SNX24: variants seen among roughly 807,000 people sequenced by gnomAD.
The protein encoded by SNX24 is sorting nexin-24.
In SNX24, 22 loss-of-function variants were observed where a neutral mutation model predicts 28.7. The ratio of observed to expected loss-of-function variants is 0.77; its 90% confidence interval spans 0.55 to 1.10. SNX24 has a LOEUF of 1.10. Among genes scored for constraint, SNX24 ranks in the 50% least tolerant of loss-of-function variants. The pLI, the probability that SNX24 is intolerant of heterozygous loss-of-function variation, is 0.00. For synonymous variants in SNX24, 69 were observed against 71.5 expected, an observed-to-expected ratio of 0.96 and a Z score of 0.18; for missense variants, 221 against 201.1, an observed-to-expected ratio of 1.10 and a Z score of -0.60.
chr5:123,019,255 A>G (rs1180431067), intron 5 of SNX24, among the ~76,000 whole-genome samples: 1 of 151,810 alleles, frequency 6.6e-6, no homozygotes, highest in Non-Finnish European at 1.5e-5. Context: ...AAAATTTTCC[A>G]TTACAAATAC....
chr5:122,994,794 G>T lies in SNX24; in HGVS notation c.250-5118G>T, dbSNP rs551011605. ...AGTGATATTTCTGAAGAAATATCTG[G>T]TCTGCTTTAGAGAAAGTCATTTATT... On this transcript the variant is annotated intron_variant, in intron 3 of 6. Transcript: ENST00000261369. Among the ~76,000 whole-genome samples the T allele has an allele frequency of 2.0e-5, 3 of 152,184 alleles. No individual in the cohort carries two copies. The South Asian group carries it at 6.2e-4, about 32-fold the overall frequency.
chr5:122,957,966 G>T (rs535782317), intron 3 of SNX24, among the ~76,000 whole-genome samples: 2 of 152,188 alleles, frequency 1.3e-5, no homozygotes, highest in African/African-American at 4.8e-5. Context: ...CATATCACAT[G>T]CAAACAAAGA....
intron 5 of SNX24, chr5:123,026,082 G>T: frequency 1.1e-6 from 1 of 877,156 alleles, no homozygotes; most frequent in South Asian, 2.0e-5. Context: ...AGGTAGGGAT[G>T]GGGAAGACAT....
At chr5:122,879,123 C>T (rs1043896674) in intron 1 of SNX24, among the ~76,000 whole-genome samples, 51 of 152,058 alleles carry the variant, frequency 3.4e-4, no homozygotes, top group Non-Finnish European at 6.8e-4. Flanking sequence ...AACATGTAAT[C>T]TGTGTAAACA....
intron 5 of SNX24, among the ~76,000 whole-genome samples, chr5:123,027,109 G>A (rs1418279723): frequency 3.9e-5 from 6 of 152,040 alleles, no homozygotes; most frequent in South Asian, 2.1e-4. Flanking sequence ...CAGGAGAATC[G>A]CTTGAACCTG....
chr5:122,972,452 T>A (rs1468376232), intron 3 of SNX24, among the ~76,000 whole-genome samples: 1 of 152,188 alleles, frequency 6.6e-6, no homozygotes, highest in Non-Finnish European at 1.5e-5. Flanking sequence ...GCCCCAGCCC[T>A]GCAAAGTATT....
chr5:122,854,156 T>C (rs1187156602), intron 1 of SNX24, among the ~76,000 whole-genome samples: 1 of 152,092 alleles, frequency 6.6e-6, no homozygotes, highest in African/African-American at 2.4e-5. Context: ...TTTTTTCTTC[T>C]GTATATAGAA....
chr5:123,001,739 T>G (rs1374581684), intron 5 of SNX24, among the ~76,000 whole-genome samples: 2 of 152,204 alleles, frequency 1.3e-5, no homozygotes, highest in Non-Finnish European at 2.9e-5. Context: ...TTGCTTCAAA[T>G]TCCACAAAGA....
At chr5:123,021,211 T>C (rs892491141) in intron 5 of SNX24, among the ~76,000 whole-genome samples, 11 of 151,108 alleles carry the variant, frequency 7.3e-5, no homozygotes, top group African/African-American at 2.7e-4. Context: ...TATTGCTCCC[T>C]GATGTTGTGT....
intron 3 of SNX24, among the ~76,000 whole-genome samples, chr5:122,980,972 C>G (rs2150156243): frequency 6.6e-6 from 1 of 152,084 alleles, no homozygotes; most frequent in Middle Eastern, 3.4e-3. Context: ...TCCATGAGGT[C>G]AAAGGGAATC....
chr5:122,850,827 G>A (rs894577090), intron 1 of SNX24, among the ~76,000 whole-genome samples: 13 of 149,816 alleles, frequency 8.7e-5, no homozygotes, highest in Non-Finnish European at 1.6e-4. Flanking sequence ...GAAAGAGTGA[G>A]GAAAGAGGGA....
chr5:123,008,882 T>C lies in SNX24; in HGVS notation c.*1133T>C, dbSNP rs775070968. ...ATATATACTACCTATATGTATGTGCTGTATGTGGGCATTTCATTGAGATCT... is the reference window on the plus strand; with the variant it reads ...ATATATACTACCTATATGTATGTGCCGTATGTGGGCATTTCATTGAGATCT... On this transcript the variant is annotated 3_prime_UTR_variant, in exon 7 of 7. Transcript: ENST00000261369. 5 of 983,976 alleles carry C rather than the reference T, an allele frequency of 5.1e-6. No individual in the cohort carries two copies. The highest frequency in any genetic ancestry group is 6.0e-6 in the Non-Finnish European group (5 of 828,294). The allele number at this position is 983,976 out of a possible 1,614,324, so 61.0% of individuals were successfully genotyped here. A position where few individuals can be genotyped will look rare whatever the true frequency, so the allele number is the denominator to read the frequency against.
chr5:122,909,644 G>A (rs957203499), intron 1 of SNX24, among the ~76,000 whole-genome samples: 1 of 152,158 alleles, frequency 6.6e-6, no homozygotes, highest in Non-Finnish European at 1.5e-5. Flanking sequence ...ATCACTGCCA[G>A]GCTTACCTAT....
At chr5:122,985,538 A>G (rs1001351948) in intron 3 of SNX24, among the ~76,000 whole-genome samples, 3 of 150,968 alleles carry the variant, frequency 2.0e-5, no homozygotes, top group Non-Finnish European at 4.5e-5. Context: ...GGATTAAGCG[A>G]CCCATTATAT....
At chr5:122,876,872 A>C (rs1756248154) in intron 1 of SNX24, among the ~76,000 whole-genome samples, 1 of 152,144 alleles carries the variant, frequency 6.6e-6, no homozygotes, top group South Asian at 2.1e-4. Context: ...CAAGGAACGC[A>C]CCCTCAGTAA....
At chr5:122,852,002 C>T (rs1461169151) in intron 1 of SNX24, among the ~76,000 whole-genome samples, 1 of 151,690 alleles carries the variant, frequency 6.6e-6, no homozygotes, top group Non-Finnish European at 1.5e-5. Flanking sequence ...AAAATAAGCA[C>T]AATGTAAACC....
intron 3 of SNX24, among the ~76,000 whole-genome samples, chr5:122,955,869 A>C (rs1760184870): frequency 6.6e-6 from 1 of 152,170 alleles, no homozygotes; most frequent in Admixed American, 6.5e-5. Flanking sequence ...TCGACACCTC[A>C]TTACAGCCTT....
intron 3 of SNX24, among the ~76,000 whole-genome samples, chr5:122,954,103 T>C (rs939321709): frequency 6.6e-6 from 1 of 152,142 alleles, no homozygotes; most frequent in Admixed American, 6.6e-5. Context: ...TCTTTGACTT[T>C]TCCAGTTGTA....
chr5:122,853,267 C>T (rs903891758), intron 1 of SNX24, among the ~76,000 whole-genome samples: 8 of 151,900 alleles, frequency 5.3e-5, no homozygotes, highest in African/African-American at 1.9e-4. Context: ...GCTGGGACTA[C>T]AGGCACCCGC....
Sources: allele counts gnomAD v4.1 joint callset (sites outside exome capture counted in the v4.1 genomes callset), GRCh38; gene constraint gnomAD v4.1.1; transcripts MANE v1.5; gene names NCBI Gene and HGNC (gene_info 2026-07-23, HGNC 2026-07-21).